The following HYAL4 variants were observed in gnomAD, a reference collection of about 807,000 sequenced individuals.
HYAL4 encodes the protein hyaluronidase-4.
In HYAL4, 37 loss-of-function variants were observed where a neutral mutation model predicts 35.2. The ratio of observed to expected loss-of-function variants is 1.05; its 90% CI spans 0.81 to 1.38. The LOEUF (loss-of-function observed/expected upper bound fraction) is 1.38, where lower values mean the gene tolerates loss of function less well. HYAL4 is among the 40% of genes most tolerant of loss of function. The pLI, the probability that HYAL4 is intolerant of heterozygous loss-of-function variation, is 0.00. For missense variants in HYAL4, 572 were observed against 572.4 expected (o/e 1.00, Z 0.01); for synonymous variants, 198 against 203.2 (o/e 0.97, Z 0.22).
At chr7:123,839,145 A>G (rs7779420) in intron 1 of HYAL4, among the ~76,000 whole-genome samples, 41,454 of 151,548 alleles carry the variant, frequency 0.27, 6,108 homozygotes, top group African/African-American at 0.38. Flanking sequence ...CAGCTCTCCC[A>G]CCTCTGACAG....
At chr7:123,793,458 CA>C in the HYAL4 span, among the ~76,000 whole-genome samples, 1 of 152,264 alleles carries the variant, frequency 6.6e-6, no homozygotes. Context: ...TGTCCCCACC[CA>C]AATCTTATCT....
At chr7:123,862,209 A>T (rs1806590347) in intron 2 of HYAL4, among the ~76,000 whole-genome samples, 1 of 152,160 alleles carries the variant, frequency 6.6e-6, no homozygotes, top group Non-Finnish European at 1.5e-5. Context: ...ATGAGTATAT[A>T]TATTTTTCAT....
the HYAL4 span, among the ~76,000 whole-genome samples, chr7:123,800,274 A>G: frequency 6.6e-6 from 1 of 150,828 alleles, no homozygotes. Context: ...GGTTCACGCC[A>G]TTCTCCTGCC....
chr7:123,857,090 T>C (rs1806455431), intron 2 of HYAL4, among the ~76,000 whole-genome samples: 3 of 152,202 alleles, frequency 2.0e-5, no homozygotes, highest in Admixed American at 6.5e-5. Context: ...GCAGCAAGAA[T>C]TTCAAGCCAA....
the HYAL4 span, among the ~76,000 whole-genome samples, chr7:123,769,821 GA>G: frequency 8.3e-3 from 984 of 118,690 alleles, 6 homozygotes; most frequent in Middle Eastern, 0.017. Context: ...AAAGAGACTT[GA>G]AAAAAAAAAA....
the HYAL4 span, among the ~76,000 whole-genome samples, chr7:123,804,380 C>G: frequency 6.6e-6 from 1 of 152,168 alleles, no homozygotes; most frequent in Non-Finnish European, 1.5e-5. Context: ...CTTGAAGAGT[C>G]CTAGAGGAAG....
chr7:123,795,082 T>C, the HYAL4 span, among the ~76,000 whole-genome samples: 1 of 152,244 alleles, frequency 6.6e-6, no homozygotes, highest in South Asian at 2.1e-4. Context: ...GAGATAATTT[T>C]TTAACTTTAA....
the HYAL4 span, among the ~76,000 whole-genome samples, chr7:123,764,826 T>G: frequency 6.6e-6 from 1 of 152,306 alleles, no homozygotes; most frequent in East Asian, 1.9e-4. Flanking sequence ...TGGAAGATCT[T>G]TTGCCAGCTA....
At chr7:123,823,362 G>C in the HYAL4 span, among the ~76,000 whole-genome samples, 47 of 152,112 alleles carry the variant, frequency 3.1e-4, 1 homozygote, top group African/African-American at 1.1e-3. Flanking sequence ...CTATTATTTT[G>C]TTGAGGATTT....
chr7:123,821,722 C>G, the HYAL4 span, among the ~76,000 whole-genome samples: 1 of 152,266 alleles, frequency 6.6e-6, no homozygotes, highest in Middle Eastern at 3.4e-3. Flanking sequence ...ATTTCCAAGA[C>G]CAGTGTCAAG....
chr7:123,869,837 A>ACCCCCCCC (rs36110237), intron 3 of HYAL4, among the ~76,000 whole-genome samples: 8 of 140,052 alleles, frequency 5.7e-5, no homozygotes, highest in African/African-American at 1.1e-4. Flanking sequence ...ACAGGTGCTC[A>ACCCCCCCC]CCCCCCCCCA....
chr7:123,813,912 T>C, the HYAL4 span, among the ~76,000 whole-genome samples: 1 of 152,206 alleles, frequency 6.6e-6, no homozygotes, highest in Non-Finnish European at 1.5e-5. Context: ...AGCTAGAGTT[T>C]GCATAGCTGA....
chr7:123,842,308 G>T (rs1338764796), upstream of HYAL4, among the ~76,000 whole-genome samples: 1 of 151,886 alleles, frequency 6.6e-6, no homozygotes, highest in Non-Finnish European at 1.5e-5. Flanking sequence ...AGTGCGGTTT[G>T]GAGTGAGTTT....
At chr7:123,769,235 G>A in the HYAL4 span, among the ~76,000 whole-genome samples, 1 of 152,090 alleles carries the variant, frequency 6.6e-6, no homozygotes, top group African/African-American at 2.4e-5. Context: ...TAAGGCTCTT[G>A]GGAAGATGTA....
the HYAL4 span, among the ~76,000 whole-genome samples, chr7:123,823,109 GT>G: frequency 6.6e-6 from 1 of 152,106 alleles, no homozygotes; most frequent in African/African-American, 2.4e-5. Context: ...GCCTTTGTAT[GT>G]TATGGCACAT....
At chr7:123,794,513 C>T in the HYAL4 span, among the ~76,000 whole-genome samples, 7 of 152,280 alleles carry the variant, frequency 4.6e-5, no homozygotes, top group South Asian at 4.2e-4. Flanking sequence ...CTGCTCTATG[C>T]GCCTTGAGAC....
the HYAL4 span, among the ~76,000 whole-genome samples, chr7:123,815,948 T>C: frequency 6.6e-6 from 1 of 152,198 alleles, no homozygotes; most frequent in Non-Finnish European, 1.5e-5. Context: ...ACTTGACATA[T>C]TCATCTTTGC....
At chr7:123,819,365 G>A in the HYAL4 span, 41 of 152,714 alleles carry the variant, frequency 2.7e-4, no homozygotes, top group Non-Finnish European at 4.7e-4. Context: ...TGCAATTGGC[G>A]AAAGTGCAGC....
intron 3 of HYAL4, among the ~76,000 whole-genome samples, chr7:123,872,166 C>T: frequency 6.6e-6 from 1 of 152,122 alleles, no homozygotes. Context: ...CCCACCCTTG[C>T]ACCTTTTGGA....
Sources: allele counts gnomAD v4.1 joint callset (sites outside exome capture counted in the v4.1 genomes callset), GRCh38; gene constraint gnomAD v4.1.1; transcripts MANE v1.5; gene names NCBI Gene and HGNC (gene_info 2026-07-23, HGNC 2026-07-21).